The following NEBL variants were observed in gnomAD, a reference collection of about 807,000 sequenced individuals.
NEBL encodes the protein nebulette.
Under a neutral mutation model 140.2 loss-of-function variants are expected in NEBL, and 122 were observed. The ratio of observed to expected loss-of-function variants is 0.87; its 90% CI spans 0.75 to 1.01. The LOEUF (loss-of-function observed/expected upper bound fraction) is 1.01. Among genes scored for constraint, NEBL ranks in the 50% least tolerant of loss-of-function variants. The pLI, the probability that NEBL is intolerant of heterozygous loss-of-function variation, is 0.00. For synonymous variants in NEBL, 436 were observed against 398.9 expected (o/e 1.09, Z -1.11); for missense variants, 1,365 against 1,231.3 (o/e 1.11, Z -1.62).
chr10:20,897,525 A>G (rs1847614118), upstream of NEBL: 1 of 1,101,190 alleles, frequency 9.1e-7, no homozygotes, highest in African/African-American at 1.7e-5. Context: ...TTTATCTTTT[A>G]CTAATTCTAT....
At chr10:21,051,941 G>A (rs1275377756) in intron 2 of NEBL, among the ~76,000 whole-genome samples, 2 of 152,174 alleles carry the variant, frequency 1.3e-5, no homozygotes, top group Non-Finnish European at 2.9e-5. Context: ...GGAGGCTGAA[G>A]CAAGACAATC....
intron 2 of NEBL, among the ~76,000 whole-genome samples, chr10:21,082,257 C>T (rs899035951): frequency 2.6e-5 from 4 of 152,044 alleles, no homozygotes; most frequent in African/African-American, 9.7e-5. Flanking sequence ...TAGATTGGAT[C>T]CTTTTGCAAT....
chr10:21,163,293 G>A (rs979316347), intron 2 of NEBL, among the ~76,000 whole-genome samples: 2 of 152,184 alleles, frequency 1.3e-5, no homozygotes, highest in Non-Finnish European at 2.9e-5. Flanking sequence ...GAAAATAACT[G>A]TGGTGGCAGG....
chr10:20,955,113 C>T (rs1835725817), intron 4 of NEBL, among the ~76,000 whole-genome samples: 1 of 152,208 alleles, frequency 6.6e-6, no homozygotes, highest in Admixed American at 6.5e-5. Flanking sequence ...ACTATTCCCA[C>T]ACTCCTATCA....
Position 21,173,850 on chromosome 10 carries a change from G to T in NEBL, c.-17C>A. On this transcript the variant is annotated 5_prime_UTR_variant, in exon 1 of 7. Transcript: ENST00000417816. The surrounding 1 kb of genome is among the most constrained non-coding windows in gnomAD (Gnocchi z 5.7). ...GGGGTTCATGATCGCGGTTCCCGGG[G>T]GCGGCGGCGGCGGCGGCTGCTGGCT... 1 of 1,600,708 alleles carries T rather than the reference G, an allele frequency of 6.2e-7. No homozygotes were observed.
At chr10:20,897,544 A>G (rs1847616485), upstream of NEBL, 1 of 1,066,448 alleles carries the variant, frequency 9.4e-7, no homozygotes, top group African/African-American at 1.7e-5. Context: ...ATTCATTCAT[A>G]AAAGAGCATA....
Position 20,858,316 on chromosome 10 carries a change from A to G in NEBL, c.827T>C (p.Met276Thr), listed in dbSNP as rs141285752. The G allele has an allele frequency of 4.8e-5, 77 of 1,608,140 alleles. No homozygotes were observed. In the African/African-American group the frequency reaches 8.9e-4, roughly 19 times the overall value. Residue 276 changes from methionine to threonine, a missense_variant, in exon 9 of 28, where the codon ATG (methionine) becomes ACG (threonine). Transcript: ENST00000377122. ...NVKYKKDIQNMHDPVSDLPNL... is the reference protein window; with the variant it reads ...NVKYKKDIQNTHDPVSDLPNL... The stretch of plus-strand genomic sequence containing the variant: ...TGGGAGATCTGAAACTGGATCATGC[A>G]TATTTTGAATGTCTTTCTTGTACTT...
intron 5 of NEBL, among the ~76,000 whole-genome samples, chr10:20,878,134 C>T (rs556668867): frequency 6.6e-5 from 10 of 152,184 alleles, no homozygotes; most frequent in South Asian, 2.1e-4. Context: ...AACTCTTGCC[C>T]GGGAACTCCA....
Position 20,783,503 on chromosome 10 carries a change from GT to G in NEBL, c.*2243del, listed in dbSNP as rs1229757813. The G allele has an allele frequency of 6.6e-6, 1 of 152,128 alleles. No homozygotes were observed. Among genetic ancestry groups the G allele is most frequent in the Non-Finnish European group, 1.5e-5 (1 of 68,028 alleles). The allele number at this position is 152,128 out of a possible 1,614,324, so 9.4% of individuals were successfully genotyped here. A position where few individuals can be genotyped will look rare whatever the true frequency, so the allele number is the denominator to read the frequency against. On this transcript the variant is annotated 3_prime_UTR_variant, in exon 28 of 28. Coordinates refer to ENST00000377122, the MANE Select transcript of NEBL (RefSeq NM_006393.3). ...TTGACTTTTATGCTCAGTGAATCTG[GT>G]TTTGAAATCGGTGGATGAAATTACT...
intron 2 of NEBL, chr10:21,110,906 A>C: frequency 1.8e-6 from 1 of 566,372 alleles, no homozygotes; most frequent in South Asian, 1.5e-5. Context: ...ATGTCTGTAC[A>C]AAATCAATGT....
chr10:20,965,782 A>C (rs1296096364), intron 3 of NEBL, among the ~76,000 whole-genome samples: 1 of 152,198 alleles, frequency 6.6e-6, no homozygotes, highest in Admixed American at 6.5e-5. Context: ...CACCTCCCCC[A>C]GTCAGCCACT....
chr10:20,950,029 G>T (rs1469064493), intron 4 of NEBL, among the ~76,000 whole-genome samples: 1 of 152,128 alleles, frequency 6.6e-6, no homozygotes, highest in African/African-American at 2.4e-5. Flanking sequence ...ACCTGAGTTT[G>T]TTACCCTCTG....
chr10:21,120,680 CAAAAAAA>C (rs66476160), intron 2 of NEBL, among the ~76,000 whole-genome samples: 5 of 71,242 alleles, frequency 7.0e-5, no homozygotes, highest in African/African-American at 2.6e-4. Context: ...TTCATGACAG[CAAAAAAA>C]AAAAAAAAAA....
At chr10:21,045,958 G>T (rs1834493994) in intron 2 of NEBL, among the ~76,000 whole-genome samples, 1 of 152,054 alleles carries the variant, frequency 6.6e-6, no homozygotes, top group Non-Finnish European at 1.5e-5. Context: ...ATAAGACACG[G>T]AATGAATCTA....
intron 3 of NEBL, among the ~76,000 whole-genome samples, chr10:21,002,014 G>A (rs956247928): frequency 6.6e-6 from 1 of 152,106 alleles, no homozygotes; most frequent in Non-Finnish European, 1.5e-5. Flanking sequence ...TAATTAAGGT[G>A]ATTTGTTAGT....
At chr10:21,061,822 G>A (rs1835320247) in intron 2 of NEBL, among the ~76,000 whole-genome samples, 3 of 152,184 alleles carry the variant, frequency 2.0e-5, no homozygotes, top group Admixed American at 2.0e-4. Flanking sequence ...TTTCTCCCCT[G>A]CAGTGATTGT....
At chr10:21,237,672 T>G (rs1388022408) in intron 3 of NEBL, among the ~76,000 whole-genome samples, 2 of 151,878 alleles carry the variant, frequency 1.3e-5, no homozygotes, top group African/African-American at 4.8e-5. Context: ...AGTAGCACCA[T>G]GTCAGCTCAC....
intron 4 of NEBL, among the ~76,000 whole-genome samples, chr10:20,952,546 G>T (rs1046689704): frequency 6.6e-6 from 1 of 151,516 alleles, no homozygotes; most frequent in African/African-American, 2.4e-5. Flanking sequence ...GTTTAAAACT[G>T]AATGTAGAAG....
At chr10:21,105,368 G>C (rs1589238572) in intron 2 of NEBL, among the ~76,000 whole-genome samples, 2 of 151,944 alleles carry the variant, frequency 1.3e-5, no homozygotes, top group East Asian at 1.9e-4. Flanking sequence ...CCCAGTGTGT[G>C]ATGTTTCCCA....
Sources: allele counts gnomAD v4.1 joint callset (sites outside exome capture counted in the v4.1 genomes callset), GRCh38; gene constraint gnomAD v4.1.1; non-coding constraint Gnocchi (gnomAD v3.1); transcripts MANE v1.5; gene names NCBI Gene and HGNC (gene_info 2026-07-23, HGNC 2026-07-21).